PRLR: variants seen among roughly 807,000 people sequenced by gnomAD.
The protein encoded by PRLR is prolactin receptor.
In PRLR, 13 loss-of-function variants were observed where a neutral mutation model predicts 40.2. The observed-to-expected ratio is 0.32, with a 90% CI of 0.21 to 0.51. The LOEUF (loss-of-function observed/expected upper bound fraction) is 0.51. Among genes scored for constraint, PRLR ranks in the 20% least tolerant of loss-of-function variants. The pLI is 0.97. For synonymous variants in PRLR, 269 were observed against 278.7 expected (o/e 0.97, Z 0.35); for missense variants, 656 against 747.3 (o/e 0.88, Z 1.42).
At chr5:35,179,750 A>T (rs6451187) in intron 1 of PRLR, among the ~76,000 whole-genome samples, 3,781 of 152,160 alleles carry the variant, frequency 0.025, 159 homozygotes, top group African/African-American at 0.087. Context: ...GCCTGGTGGG[A>T]GGTGACTGGA....
rs1305011030 is a variant in PRLR at position 35,059,755 on chromosome 5, T to C, written c.*5334A>G. On this transcript the variant is annotated 3_prime_UTR_variant, in exon 10 of 10. Transcript: ENST00000618457. ...ATAGAATAAGTTCAGATCATAATTA[T>C]AAATAGGATTTCTCTGAAGCAATCA... 6.6e-6 allele frequency: 1 copy of C among 152,232 alleles called. No individual in the cohort carries two copies. Among genetic ancestry groups the C allele is most frequent in the African/African-American group, 2.4e-5 (1 of 41,464 alleles). The allele number at this position is 152,232 out of a possible 1,614,324, so 9.4% of individuals were successfully genotyped here.
intron 2 of PRLR, among the ~76,000 whole-genome samples, chr5:35,098,169 G>A (rs1771652350): frequency 6.6e-6 from 1 of 152,144 alleles, no homozygotes; most frequent in African/African-American, 2.4e-5. Context: ...ATGGCCCATG[G>A]GATGTGAATG....
chr5:35,159,215 A>G (rs2111897665), intron 1 of PRLR, among the ~76,000 whole-genome samples: 1 of 152,164 alleles, frequency 6.6e-6, no homozygotes, highest in African/African-American at 2.4e-5. Flanking sequence ...GCTCCAGCCA[A>G]AAGTCACCAC....
chr5:35,104,644 G>C (rs906495294), intron 2 of PRLR, among the ~76,000 whole-genome samples: 3 of 152,210 alleles, frequency 2.0e-5, no homozygotes, highest in Middle Eastern at 6.8e-3. Flanking sequence ...GTCTGAGATC[G>C]AACTGCAAGG....
At chr5:35,205,883 T>C (rs529072027) in intron 1 of PRLR, among the ~76,000 whole-genome samples, 1 of 152,286 alleles carries the variant, frequency 6.6e-6, no homozygotes, top group Non-Finnish European at 1.5e-5. Context: ...ATTGAACAGG[T>C]TTAAGAACAC....
chr5:35,187,262 T>G (rs6891290), intron 1 of PRLR, among the ~76,000 whole-genome samples: 96,956 of 151,430 alleles, frequency 0.64, 31,417 homozygotes, highest in Non-Finnish European at 0.68. Flanking sequence ...TTAACCAGGC[T>G]TCATGGTGCA....
intron 1 of PRLR, among the ~76,000 whole-genome samples, chr5:35,159,239 G>T (rs1292404829): frequency 2.0e-5 from 3 of 150,432 alleles, no homozygotes; most frequent in Non-Finnish European, 4.4e-5. Flanking sequence ...GACAATTTTT[G>T]GCATCCTTCG....
At chr5:35,130,784 T>C (rs569333150) in intron 1 of PRLR, among the ~76,000 whole-genome samples, 2 of 152,140 alleles carry the variant, frequency 1.3e-5, no homozygotes, top group Non-Finnish European at 2.9e-5. Flanking sequence ...TTGGTTAAGA[T>C]GAAGTAATAA....
rs1604425 is a variant in PRLR at position 35,220,962 on chromosome 5, A to G, written c.-106+9306T>C. On this transcript the variant is annotated intron_variant, in intron 1 of 9. Coordinates refer to ENST00000618457, the MANE Select transcript of PRLR (RefSeq NM_000949.7). ...GATAACTGATTCCAGAATCATTCTC[A>G]AAATCACAGATTCTTCCACATTTAG... 6.5e-3 allele frequency among the ~76,000 whole-genome samples: 997 copies of G among 152,316 alleles called. 10 individuals are homozygous for G. Among genetic ancestry groups the G allele is most frequent in the African/African-American group, 0.023 (937 of 41,566 alleles).
At chr5:35,082,558 T>C (rs1276911850) in intron 5 of PRLR, among the ~76,000 whole-genome samples, 1 of 152,192 alleles carries the variant, frequency 6.6e-6, no homozygotes, top group African/African-American at 2.4e-5. Flanking sequence ...CAATCAAAAA[T>C]GTCTCCAGTC....
intron 1 of PRLR, among the ~76,000 whole-genome samples, chr5:35,224,254 C>A (rs1398744022): frequency 6.6e-6 from 1 of 152,172 alleles, no homozygotes; most frequent in African/African-American, 2.4e-5. Context: ...GCTCCCCGCC[C>A]CACATCTAAC....
chr5:35,140,639 C>T (rs1164256944), intron 1 of PRLR, among the ~76,000 whole-genome samples: 3 of 152,142 alleles, frequency 2.0e-5, no homozygotes, highest in African/African-American at 7.2e-5. Context: ...GGACTTAGGC[C>T]TTATGATGTG....
intron 1 of PRLR, among the ~76,000 whole-genome samples, chr5:35,153,231 T>A (rs1430405444): frequency 6.6e-6 from 1 of 152,204 alleles, no homozygotes; most frequent in Non-Finnish European, 1.5e-5. Context: ...GATTAAATAA[T>A]CTTTGGATTA....
At chr5:35,088,690 C>T (rs1456288263) in intron 3 of PRLR, among the ~76,000 whole-genome samples, 4 of 152,208 alleles carry the variant, frequency 2.6e-5, no homozygotes, top group African/African-American at 7.2e-5. Context: ...CACAGAAACA[C>T]GGAGAAAACC....
At chr5:35,073,541 C>T (rs1381937164) in intron 5 of PRLR, among the ~76,000 whole-genome samples, 1 of 152,156 alleles carries the variant, frequency 6.6e-6, no homozygotes, top group Non-Finnish European at 1.5e-5. Flanking sequence ...ATTCATTTTA[C>T]AGAGGAGGAA....
chr5:35,218,410 C>A (rs1776337034), intron 1 of PRLR, among the ~76,000 whole-genome samples: 1 of 149,072 alleles, frequency 6.7e-6, no homozygotes, highest in Non-Finnish European at 1.5e-5. Flanking sequence ...AAATATATAA[C>A]TAGTTTAAAC....
At chr5:35,053,487 T>C (rs1056972971), downstream of PRLR, among the ~76,000 whole-genome samples, 2 of 152,148 alleles carry the variant, frequency 1.3e-5, no homozygotes, top group Non-Finnish European at 2.9e-5. Context: ...ACCTCGTCTC[T>C]ACTAAAAATG....
chr5:35,200,721 G>A (rs866393946), intron 1 of PRLR, among the ~76,000 whole-genome samples: 2 of 152,048 alleles, frequency 1.3e-5, no homozygotes, highest in Admixed American at 1.3e-4. Flanking sequence ...CTTTATATAG[G>A]GCTTTCCAGG....
chr5:35,075,823 C>T (rs1166009186), intron 5 of PRLR, among the ~76,000 whole-genome samples: 5 of 152,186 alleles, frequency 3.3e-5, no homozygotes, highest in Non-Finnish European at 5.9e-5. Context: ...CACCCAGGTG[C>T]CCCTCTGAGA....
Sources: allele counts gnomAD v4.1 joint callset (sites outside exome capture counted in the v4.1 genomes callset), GRCh38; gene constraint gnomAD v4.1.1; transcripts MANE v1.5; gene names NCBI Gene and HGNC (gene_info 2026-07-23, HGNC 2026-07-21).